XYLT1: variants seen among roughly 807,000 people sequenced by gnomAD.
XYLT1 encodes the protein xylosyltransferase 1, also known as beta-D-xylosyltransferase 1.
Under a neutral mutation model 91.3 loss-of-function variants are expected in XYLT1, and 36 were observed. The observed-to-expected ratio is 0.39, with a 90% CI of 0.30 to 0.52. The LOEUF (loss-of-function observed/expected upper bound fraction) is 0.52. Ranked by LOEUF, XYLT1 falls within the 20% of genes least tolerant of loss-of-function variation. XYLT1 has a pLI of 0.68. For synonymous variants in XYLT1, 588 were observed against 532.0 expected (o/e 1.11, Z -1.45); for missense variants, 1,242 against 1,284.5 (o/e 0.97, Z 0.51).
intron 1 of XYLT1, among the ~76,000 whole-genome samples, chr16:17,420,645 G>A (rs1213945023): frequency 6.6e-6 from 1 of 151,614 alleles, no homozygotes; most frequent in Non-Finnish European, 1.5e-5. Context: ...TCTTTGTGAA[G>A]TTTAGCACTA....
intron 3 of XYLT1, among the ~76,000 whole-genome samples, chr16:17,216,920 C>T (rs780741035): frequency 2.0e-5 from 3 of 152,212 alleles, no homozygotes; most frequent in Non-Finnish European, 4.4e-5. Context: ...CAGCAACGAG[C>T]AGCAATAGTC....
chr16:17,397,085 T>C (rs1255619711), intron 1 of XYLT1, among the ~76,000 whole-genome samples: 1 of 152,050 alleles, frequency 6.6e-6, no homozygotes, highest in African/African-American at 2.4e-5. Flanking sequence ...ATACCTCTTA[T>C]CTGCTCCTTT....
Position 17,107,994 on chromosome 16 carries a change from C to T in XYLT1, c.*701G>A, listed in dbSNP as rs946173241. ...TAGTTACTAAGGAGAATAGTTCAAC[C>T]CAAGGAGGGCTGCTGAGAGGCTCAG... On this transcript the variant is annotated 3_prime_UTR_variant, in exon 12 of 12. Transcript: ENST00000261381. The T allele has an allele frequency of 6.6e-6, 1 of 152,638 alleles. No homozygotes were observed. The highest frequency in any genetic ancestry group is 2.4e-5 in the African/African-American group (1 of 41,442). 9.5% of individuals were successfully genotyped at this position (152,638 alleles called of 1,614,324 possible).
intron 3 of XYLT1, among the ~76,000 whole-genome samples, chr16:17,244,913 A>G (rs780344018): frequency 4.6e-5 from 7 of 152,208 alleles, no homozygotes; most frequent in African/African-American, 1.2e-4. Context: ...CAACAAAAAA[A>G]TCATCTAACT....
intron 6 of XYLT1, among the ~76,000 whole-genome samples, chr16:17,151,404 C>T (rs138140125): frequency 2.0e-5 from 3 of 152,024 alleles, no homozygotes; most frequent in Admixed American, 2.0e-4. Context: ...GGTGATGGAG[C>T]GAGACTCTGT....
At chr16:17,344,434 A>G (rs552399493) in intron 2 of XYLT1, among the ~76,000 whole-genome samples, 1 of 149,714 alleles carries the variant, frequency 6.7e-6, no homozygotes, top group Non-Finnish European at 1.5e-5. Context: ...TGGAGCTTGC[A>G]GTGAGCCGAG....
chr16:17,137,987 TACAAATGTA>T (rs1225828150), intron 8 of XYLT1, among the ~76,000 whole-genome samples: 2 of 152,060 alleles, frequency 1.3e-5, no homozygotes, highest in East Asian at 1.9e-4. Flanking sequence ...TATTCCTGGG[TACAAATGTA>T]ACAAATATTT....
rs1482104923 is a variant in XYLT1 at position 17,141,081 on chromosome 16, T to TCA, written c.1587+70_1587+71dup. ...GACCCAGAATCTCTTTGCCAAAAATTCAGCATCTGCTTTGCCACAAAGGCT... is the reference window on the plus strand; with the variant it reads ...GACCCAGAATCTCTTTGCCAAAAATTCACAGCATCTGCTTTGCCACAAAGGCT... On this transcript the variant is annotated intron_variant, in intron 7 of 11. Transcript: ENST00000261381. The TCA allele has an allele frequency of 6.1e-6, 9 of 1,483,122 alleles. 1 individual carries two copies. The highest frequency in any genetic ancestry group is 1.4e-5 in the African/African-American group (1 of 71,724). The allele number at this position is 1,483,122 out of a possible 1,614,324, so 91.9% of individuals were successfully genotyped here.
intron 2 of XYLT1, among the ~76,000 whole-genome samples, chr16:17,313,586 T>G (rs908401819): frequency 6.6e-6 from 1 of 152,118 alleles, no homozygotes; most frequent in African/African-American, 2.4e-5. Flanking sequence ...GGACTGTGGG[T>G]GAATTCTTTC....
chr16:17,174,351 A>C (rs2031893384), intron 5 of XYLT1, among the ~76,000 whole-genome samples: 2 of 152,224 alleles, frequency 1.3e-5, no homozygotes, highest in African/African-American at 4.8e-5. Flanking sequence ...ACAATAGCCC[A>C]AAGTAGTAAC....
intron 3 of XYLT1, among the ~76,000 whole-genome samples, chr16:17,208,705 T>C (rs1048679938): frequency 2.6e-5 from 4 of 152,200 alleles, no homozygotes; most frequent in Non-Finnish European, 4.4e-5. Flanking sequence ...ATGCTCTACA[T>C]GGATAACATA....
chr16:17,273,440 C>T (rs1041251495), intron 2 of XYLT1, among the ~76,000 whole-genome samples: 2 of 152,212 alleles, frequency 1.3e-5, no homozygotes, highest in South Asian at 4.1e-4. Flanking sequence ...GCAACATCTG[C>T]ATCACCTGGG....
chr16:17,427,054 A>G (rs949249109), intron 1 of XYLT1, among the ~76,000 whole-genome samples: 1 of 152,230 alleles, frequency 6.6e-6, no homozygotes, highest in African/African-American at 2.4e-5. Context: ...GCATCATGGT[A>G]GGCAGAGCCC....
intron 2 of XYLT1, among the ~76,000 whole-genome samples, chr16:17,350,040 A>T (rs2035199228): frequency 6.6e-6 from 1 of 151,778 alleles, no homozygotes; most frequent in Non-Finnish European, 1.5e-5. Context: ...CACCCGGCTA[A>T]TTTTTTTGTA....
At position 17,387,743 on chromosome 16, in the gene XYLT1, A is replaced by G. The variant is rs549555898; in HGVS notation, c.364-29693T>C. Among the ~76,000 whole-genome samples, 211 of 152,160 alleles carry G rather than the reference A, an allele frequency of 1.4e-3. 1 individual carries two copies. The highest frequency in any genetic ancestry group is 2.8e-3 in the Non-Finnish European group (188 of 68,002). ...CTTCCACATGGAACCCCTTCTCCTC[A>G]GAGCAGCTCCAGTCTTGCCCGGTCC... On this transcript the variant is annotated intron_variant, in intron 1 of 11. Transcript: ENST00000261381.
At chr16:17,110,659 G>C (rs1354305991) in intron 11 of XYLT1, among the ~76,000 whole-genome samples, 1 of 152,154 alleles carries the variant, frequency 6.6e-6, no homozygotes, top group Non-Finnish European at 1.5e-5. Context: ...GTTGGTATTA[G>C]TCCATAATCC....
At chr16:17,357,006 C>T (rs1262688001) in intron 2 of XYLT1, among the ~76,000 whole-genome samples, 3 of 151,558 alleles carry the variant, frequency 2.0e-5, no homozygotes, top group African/African-American at 7.3e-5. Flanking sequence ...GAAACCTCGT[C>T]TCTAGAAAAA....
chr16:17,260,267 A>G (rs148698088), intron 2 of XYLT1, among the ~76,000 whole-genome samples: 2,181 of 152,282 alleles, frequency 0.014, 17 homozygotes, highest in South Asian at 0.035. Context: ...CAGCTCCTCC[A>G]TGGGTAAATG....
intron 6 of XYLT1, among the ~76,000 whole-genome samples, chr16:17,147,137 T>G (rs2031154832): frequency 6.6e-6 from 1 of 152,206 alleles, no homozygotes; most frequent in Non-Finnish European, 1.5e-5. Flanking sequence ...TCAGCGAAGA[T>G]TTTTTGTAAT....
Sources: gnomAD v4.1 joint callset for allele counts (sites outside exome capture counted in the v4.1 genomes callset) on GRCh38, gnomAD v4.1.1 for gene constraint, MANE v1.5 for transcripts, NCBI Gene and HGNC (gene_info 2026-07-23, HGNC 2026-07-21) for gene names.